The following CADM2 variants were observed in gnomAD, a reference collection of about 807,000 sequenced individuals.
CADM2 encodes cell adhesion molecule 2, also known as immunoglobulin superfamily member 4D.
A neutral mutation model predicts 49.8 loss-of-function variants in CADM2; 12 were observed. The ratio of observed to expected loss-of-function variants is 0.24; its 90% confidence interval spans 0.15 to 0.39. The LOEUF is 0.39. Among genes scored for constraint, CADM2 ranks in the 10% least tolerant of loss-of-function variants. CADM2 has a pLI of 1.00. For synonymous variants in CADM2, 214 were observed against 175.4 expected (o/e 1.22, Z -1.74); for missense variants, 378 against 492.3 (o/e 0.77, Z 2.20).
At chr3:85,044,298 A>T (rs1221903007) in intron 1 of CADM2, among the ~76,000 whole-genome samples, 1 of 133,748 alleles carries the variant, frequency 7.5e-6, no homozygotes, top group Non-Finnish European at 1.5e-5. Context: ...GTAGTAAAAG[A>T]AATTAATCCC....
At chr3:85,977,566 A>T (rs1037351955) in intron 8 of CADM2, among the ~76,000 whole-genome samples, 2 of 151,576 alleles carry the variant, frequency 1.3e-5, no homozygotes, top group African/African-American at 4.8e-5. Flanking sequence ...AAATGTTTTC[A>T]TTTACCTCCA....
chr3:85,929,459 G>A (rs1034943367), intron 6 of CADM2, among the ~76,000 whole-genome samples: 2 of 151,844 alleles, frequency 1.3e-5, no homozygotes, highest in Non-Finnish European at 2.9e-5. Context: ...AGCATGTAAG[G>A]AAAAGTTTGG....
chr3:85,075,178 A>C (rs1326855416), intron 1 of CADM2, among the ~76,000 whole-genome samples: 1 of 152,110 alleles, frequency 6.6e-6, no homozygotes, highest in Non-Finnish European at 1.5e-5. Context: ...TGCCTCTCAA[A>C]ACATTAAAAT....
At chr3:85,922,408 A>C (rs1385305631) in intron 6 of CADM2, among the ~76,000 whole-genome samples, 2 of 151,942 alleles carry the variant, frequency 1.3e-5, no homozygotes, top group Non-Finnish European at 2.9e-5. Flanking sequence ...TTTATACTCT[A>C]AGTCTTTTTT....
chr3:85,228,772 G>T (rs1021487416), intron 1 of CADM2, among the ~76,000 whole-genome samples: 4 of 151,980 alleles, frequency 2.6e-5, no homozygotes, highest in Admixed American at 6.6e-5. Context: ...CTACTGGGAG[G>T]TGTCTCCTAG....
At chr3:85,766,403 A>C (rs1298092474) in intron 2 of CADM2, among the ~76,000 whole-genome samples, 1 of 152,148 alleles carries the variant, frequency 6.6e-6, no homozygotes, top group East Asian at 1.9e-4. Flanking sequence ...TGCTCACCTA[A>C]ATTCTAAAAC....
chr3:85,884,319 G>A (rs547238153), intron 4 of CADM2, among the ~76,000 whole-genome samples: 1 of 152,170 alleles, frequency 6.6e-6, no homozygotes, highest in African/African-American at 2.4e-5. Flanking sequence ...AACACATGCT[G>A]TTCTTTTTGG....
intron 1 of CADM2, among the ~76,000 whole-genome samples, chr3:84,984,590 T>G (rs1462854995): frequency 1.3e-5 from 2 of 151,210 alleles, no homozygotes; most frequent in African/African-American, 4.9e-5. Context: ...CAGCTTTATA[T>G]TCCTTAAAAA....
chr3:85,621,186 T>A (rs916271582), intron 1 of CADM2, among the ~76,000 whole-genome samples: 14 of 152,118 alleles, frequency 9.2e-5, no homozygotes, highest in African/African-American at 3.4e-4. Context: ...AATATATAAC[T>A]AGTATTTTCC....
intron 5 of CADM2, among the ~76,000 whole-genome samples, chr3:85,892,974 A>C (rs1349949377): frequency 6.6e-6 from 1 of 152,154 alleles, no homozygotes; most frequent in African/African-American, 2.4e-5. Flanking sequence ...AGTGATATGG[A>C]CAACAAAGTT....
At chr3:86,009,190 T>G (rs1328679934) in intron 8 of CADM2, among the ~76,000 whole-genome samples, 3 of 128,242 alleles carry the variant, frequency 2.3e-5, no homozygotes, top group African/African-American at 9.5e-5. Flanking sequence ...TATGAATATA[T>G]GTATGAATAT....
At chr3:85,859,510 G>A (rs1023203839) in intron 3 of CADM2, among the ~76,000 whole-genome samples, 1 of 152,148 alleles carries the variant, frequency 6.6e-6, no homozygotes, top group East Asian at 1.9e-4. Flanking sequence ...GGGATTACAG[G>A]CATGAGCCAC....
chr3:85,661,023 G>C (rs116137745), intron 1 of CADM2, among the ~76,000 whole-genome samples: 2 of 151,976 alleles, frequency 1.3e-5, no homozygotes, highest in Non-Finnish European at 2.9e-5. Context: ...GAGATTTTAA[G>C]AATTCAGCTT....
rs114626826 is a variant in CADM2 at position 85,483,881 on chromosome 3, G to A, written c.62-242641G>A. ...TAACAGGAGTTATTATTATTTTCTG[G>A]CAATTTTTGTCTCAAAAAACTCGAA... On this transcript the variant is annotated intron_variant, in intron 1 of 9. Coordinates refer to ENST00000383699, the MANE Select transcript of CADM2 (RefSeq NM_001167675.2). 6.4e-3 allele frequency among the ~76,000 whole-genome samples: 975 copies of A among 151,264 alleles called. 4 individuals carry two copies. Among genetic ancestry groups the A allele is most frequent in the Non-Finnish European group, 0.011 (770 of 67,576 alleles).
At chr3:84,968,220 A>C (rs2031159393) in intron 1 of CADM2, among the ~76,000 whole-genome samples, 1 of 151,958 alleles carries the variant, frequency 6.6e-6, no homozygotes, top group African/African-American at 2.4e-5. Flanking sequence ...AGGATTCAAG[A>C]ATCAACTTTT....
At chr3:86,063,165 A>G (rs1040676723) in intron 8 of CADM2, among the ~76,000 whole-genome samples, 6 of 152,182 alleles carry the variant, frequency 3.9e-5, no homozygotes, top group African/African-American at 7.2e-5. Flanking sequence ...CCATCAAACC[A>G]AGGTATCCAA....
At chr3:85,869,704 G>A (rs1475328663) in intron 3 of CADM2, among the ~76,000 whole-genome samples, 3 of 152,004 alleles carry the variant, frequency 2.0e-5, no homozygotes, top group African/African-American at 7.3e-5. Flanking sequence ...TGTCTATCAG[G>A]CTGGAGTGCA....
At chr3:85,443,683 G>A (rs184165130) in intron 1 of CADM2, among the ~76,000 whole-genome samples, 34 of 152,208 alleles carry the variant, frequency 2.2e-4, no homozygotes, top group Non-Finnish European at 4.4e-4. Flanking sequence ...TGACTTTACT[G>A]CAATGTACCT....
intron 1 of CADM2, among the ~76,000 whole-genome samples, chr3:84,988,860 A>G (rs924223244): frequency 1.3e-5 from 2 of 152,132 alleles, no homozygotes; most frequent in Non-Finnish European, 2.9e-5. Flanking sequence ...GATACAGCTA[A>G]TCTCTCCTTT....
Sources: allele counts gnomAD v4.1 joint callset (sites outside exome capture counted in the v4.1 genomes callset), GRCh38; gene constraint gnomAD v4.1.1; transcripts MANE v1.5; gene names NCBI Gene and HGNC (gene_info 2026-07-23, HGNC 2026-07-21).